The following ENOX1 variants were observed in gnomAD, a reference collection of about 807,000 sequenced individuals.
ENOX1 encodes candidate growth-related and time keeping constitutive hydroquinone (NADH) oxidase.
A neutral mutation model predicts 82.5 loss-of-function variants in ENOX1; 42 were observed. The observed-to-expected ratio is 0.51, with a 90% CI of 0.40 to 0.66. The LOEUF is 0.66. Among genes scored for constraint, ENOX1 ranks in the 30% least tolerant of loss-of-function variants. ENOX1 has a pLI of 0.00. For synonymous variants in ENOX1, 271 were observed against 282.2 expected (o/e 0.96, Z 0.40); for missense variants, 608 against 811.6 (o/e 0.75, Z 3.05).
intron 1 of ENOX1, among the ~76,000 whole-genome samples, chr13:43,687,764 T>A (rs1172106244): frequency 6.6e-6 from 1 of 152,030 alleles, no homozygotes; most frequent in Admixed American, 6.6e-5. Context: ...GAAAGAGAGA[T>A]AAATCATAAG....
chr13:43,661,285 T>C (rs748274194), intron 2 of ENOX1, among the ~76,000 whole-genome samples: 10 of 152,148 alleles, frequency 6.6e-5, no homozygotes, highest in Non-Finnish European at 8.8e-5. Context: ...GATATAGATA[T>C]GAGAGGATTT....
chr13:43,393,849 G>T (rs1183279262), intron 5 of ENOX1, among the ~76,000 whole-genome samples: 5 of 152,230 alleles, frequency 3.3e-5, no homozygotes, highest in African/African-American at 1.2e-4. Flanking sequence ...TGGAGGTGGG[G>T]CCTGGTGGGA....
intron 1 of ENOX1, among the ~76,000 whole-genome samples, chr13:43,753,717 C>A (rs1471879247): frequency 6.6e-6 from 1 of 152,120 alleles, no homozygotes; most frequent in African/African-American, 2.4e-5. Context: ...CCTTTAAGCC[C>A]ATCAGTCAAG....
chr13:43,415,031 C>A (rs1368402193), intron 3 of ENOX1, among the ~76,000 whole-genome samples: 1 of 152,116 alleles, frequency 6.6e-6, no homozygotes, highest in Non-Finnish European at 1.5e-5. Context: ...GTCCTGGAGA[C>A]CCATCGTTTC....
At position 43,695,385 on chromosome 13, in the gene ENOX1, C is replaced by T. The variant is rs115634232; in HGVS notation, c.-284-27841G>A. 8.9e-3 allele frequency among the ~76,000 whole-genome samples: 1,349 copies of T among 152,090 alleles called. 16 individuals carry two copies. Among genetic ancestry groups the T allele is most frequent in the African/African-American group, 0.031 (1,283 of 41,474 alleles). ...GACCTAATCACAGCCAGAGGGCTCA[C>T]CTTGGTTCAACAAAACATATTCAGA... is the stretch of plus-strand genomic sequence containing the variant. On this transcript the variant is annotated intron_variant, in intron 1 of 16. Transcript: ENST00000690772.
chr13:43,510,647 G>A (rs1157419875), intron 2 of ENOX1, among the ~76,000 whole-genome samples: 1 of 152,096 alleles, frequency 6.6e-6, no homozygotes, highest in Non-Finnish European at 1.5e-5. Flanking sequence ...CTACGTGGGA[G>A]AGGCAGGATA....
At chr13:43,664,146 C>G (rs1054102907) in intron 2 of ENOX1, among the ~76,000 whole-genome samples, 1 of 152,064 alleles carries the variant, frequency 6.6e-6, no homozygotes, top group African/African-American at 2.4e-5. Flanking sequence ...CTAAGAAAAA[C>G]TTACCATGTT....
chr13:43,396,076 ATT>A (rs1344833836), intron 5 of ENOX1, among the ~76,000 whole-genome samples: 10 of 152,220 alleles, frequency 6.6e-5, no homozygotes, highest in African/African-American at 2.4e-4. Flanking sequence ...TTTTCCAAAG[ATT>A]GCTTGAACTG....
chr13:43,456,599 T>C (rs1308278779), intron 3 of ENOX1, among the ~76,000 whole-genome samples: 2 of 152,160 alleles, frequency 1.3e-5, no homozygotes, highest in Non-Finnish European at 2.9e-5. Flanking sequence ...GTAGGTTCCC[T>C]GGGAGCTATG....
intron 1 of ENOX1, among the ~76,000 whole-genome samples, chr13:43,697,305 G>A (rs904602557): frequency 3.3e-5 from 5 of 152,302 alleles, no homozygotes; most frequent in Admixed American, 2.6e-4. Flanking sequence ...CCTTCAGTGG[G>A]AACACAGGGA....
At chr13:43,598,341 G>C (rs2081558224) in intron 2 of ENOX1, among the ~76,000 whole-genome samples, 1 of 152,186 alleles carries the variant, frequency 6.6e-6, no homozygotes, top group African/African-American at 2.4e-5. Context: ...CAGAACCTTA[G>C]TGCTTGGCAC....
At chr13:43,609,600 T>C (rs967371922) in intron 2 of ENOX1, among the ~76,000 whole-genome samples, 1 of 152,222 alleles carries the variant, frequency 6.6e-6, no homozygotes, top group Non-Finnish European at 1.5e-5. Flanking sequence ...AAAGCAATTA[T>C]AAAGTATAGC....
At chr13:43,368,442 C>T (rs1337534993) in intron 5 of ENOX1, among the ~76,000 whole-genome samples, 1 of 152,230 alleles carries the variant, frequency 6.6e-6, no homozygotes, top group African/African-American at 2.4e-5. Context: ...GCTCAAAGAA[C>T]TCCATCAGAT....
chr13:43,279,881 C>A (rs1263979403), intron 12 of ENOX1, among the ~76,000 whole-genome samples: 1 of 152,214 alleles, frequency 6.6e-6, no homozygotes, highest in East Asian at 1.9e-4. Context: ...ATGCTGAAAA[C>A]ATAGGCCAGC....
chr13:43,638,395 G>C (rs545932824), intron 2 of ENOX1, among the ~76,000 whole-genome samples: 15 of 103,192 alleles, frequency 1.5e-4, no homozygotes, highest in African/African-American at 4.7e-4. Flanking sequence ...ATCATCATAA[G>C]TGTCTAGGGT....
chr13:43,227,009 G>T (rs1299719752), intron 15 of ENOX1, among the ~76,000 whole-genome samples: 1 of 150,672 alleles, frequency 6.6e-6, no homozygotes, highest in South Asian at 2.1e-4. Context: ...TATTCCCCCT[G>T]GCCAGAGAGC....
chr13:43,374,580 A>G (rs2051488884), intron 5 of ENOX1, among the ~76,000 whole-genome samples: 1 of 152,216 alleles, frequency 6.6e-6, no homozygotes. Context: ...TTTTCTGCCC[A>G]GTTATAACTT....
At chr13:43,587,027 T>C (rs1157507784) in intron 2 of ENOX1, among the ~76,000 whole-genome samples, 1 of 150,738 alleles carries the variant, frequency 6.6e-6, no homozygotes, top group African/African-American at 2.4e-5. Context: ...CAAGCCAAGA[T>C]TGTGCCACTG....
At chr13:43,543,915 T>C (rs75958651) in intron 2 of ENOX1, 3 of 52,914 alleles carry the variant, frequency 5.7e-5, no homozygotes, top group South Asian at 4.3e-4. Flanking sequence ...TTCTTTTTCT[T>C]TTTTTTTTTT....
Sources: allele counts gnomAD v4.1 joint callset (sites outside exome capture counted in the v4.1 genomes callset), GRCh38; gene constraint gnomAD v4.1.1; transcripts MANE v1.5; gene names NCBI Gene and HGNC (gene_info 2026-07-23, HGNC 2026-07-21).